Variants in PHKB observed in about 807,000 individuals in gnomAD.
PHKB encodes phosphorylase kinase regulatory subunit beta, also known as phosphorylase b kinase regulatory subunit beta.
PHKB carries 122 observed loss-of-function variants against 152.1 expected under a neutral mutation model. The observed-to-expected ratio is 0.80, with a 90% CI of 0.69 to 0.93. The LOEUF (loss-of-function observed/expected upper bound fraction) is 0.93. Among genes scored for constraint, PHKB ranks in the 40% least tolerant of loss-of-function variants. The probability of loss-of-function intolerance (pLI) is 0.00; values close to 1 mark genes in which losing one functional copy is unlikely to be tolerated. For missense variants in PHKB, 1,304 were observed against 1,328.4 expected (o/e 0.98, Z 0.29); for synonymous variants, 436 against 464.9 (o/e 0.94, Z 0.80).
intron 16 of PHKB, among the ~76,000 whole-genome samples, chr16:47,645,007 A>T (rs975785840): frequency 5.3e-5 from 8 of 152,246 alleles, no homozygotes; most frequent in Non-Finnish European, 1.0e-4. Context: ...AAGGGGCAAT[A>T]CTCTTAATAT....
At chr16:47,562,535 T>A (rs184929556) in intron 7 of PHKB, 1 of 152,396 alleles carries the variant, frequency 6.6e-6, no homozygotes, top group Non-Finnish European at 1.5e-5. Flanking sequence ...TTTGTCATTG[T>A]GGGTGTCCAT....
At chr16:47,632,314 G>A (rs1302621526) in intron 14 of PHKB, among the ~76,000 whole-genome samples, 1 of 152,152 alleles carries the variant, frequency 6.6e-6, no homozygotes, top group Non-Finnish European at 1.5e-5. Flanking sequence ...AGGTTGACTA[G>A]CCTTAATTGA....
rs34717357 is a variant in PHKB, at chr16:47,661,766, C to G, written c.2244C>G (p.Leu748=). 1.4e-3 allele frequency: 2,274 copies of G among 1,613,250 alleles called. 23 individuals are homozygous for G. The African/African-American group carries it at 0.027, about 19-fold the overall frequency. ...ASQAILLGIL[L]KREGPNFITK... is the part of the protein sequence containing the mutation. Reference sequence around the variant, plus strand: ...AAGCCATCCTGCTGGGTATACTGCTCAAAAGAGAAGGCCCCAACTTCATCA... The same window carrying G: ...AAGCCATCCTGCTGGGTATACTGCTGAAAAGAGAAGGCCCCAACTTCATCA... Residue 748 remains leucine (L), a synonymous_variant, in exon 23 of 31, where the codon CTC becomes CTG. Coordinates refer to ENST00000323584, the MANE Select transcript of PHKB (RefSeq NM_000293.3).
rs1381388419 is a variant in PHKB, at chr16:47,686,950, G to A, written c.2631-2091G>A. ...ATTTAAATTTCTCTGGGTTATCCCCGAAATGACTTTTTACAGTTGGTCTGT... is the reference window on the plus strand; with the variant it reads ...ATTTAAATTTCTCTGGGTTATCCCCAAAATGACTTTTTACAGTTGGTCTGT... On this transcript the variant is annotated intron_variant, in intron 26 of 30. Coordinates refer to ENST00000323584, the MANE Select transcript of PHKB (RefSeq NM_000293.3). Among the ~76,000 whole-genome samples the A allele has an allele frequency of 3.9e-5, 6 of 152,058 alleles. No homozygotes were observed. In the South Asian group the frequency reaches 1.0e-3, roughly 26 times the overall value.
intron 7 of PHKB, 37 bp downstream of exon 7, chr16:47,547,585 A>G (rs1365760252): frequency 9.1e-7 from 1 of 1,098,090 alleles, no homozygotes; most frequent in South Asian, 1.3e-5. Context: ...TTTTTAAATT[A>G]AATGTATGGA....
intron 28 of PHKB, 53 bp from the exon 29 acceptor site, chr16:47,696,328 T>G: frequency 1.1e-6 from 1 of 890,788 alleles, no homozygotes; most frequent in South Asian, 1.3e-5. Context: ...TTCTATTAAA[T>G]GAGAACCAGA....
rs144484726 is a variant in PHKB, at chr16:47,699,204, C to G, written c.3145-25C>G. 859 of 1,612,228 alleles carry G rather than the reference C, an allele frequency of 5.3e-4. 1 individual carries two copies. The highest frequency in any genetic ancestry group is 7.1e-4 in the Non-Finnish European group (837 of 1,178,332). ...CTCTTTACAAACAGAAGATCGAATGCCTTGCCTACTGTTTTCCTTTGTAGG... is the reference window on the plus strand; with the variant it reads ...CTCTTTACAAACAGAAGATCGAATGGCTTGCCTACTGTTTTCCTTTGTAGG... On this transcript the variant is annotated intron_variant, in intron 30 of 30. Transcript: ENST00000323584.
At chr16:47,567,763 T>C (rs1307716169) in intron 7 of PHKB, among the ~76,000 whole-genome samples, 1 of 152,262 alleles carries the variant, frequency 6.6e-6, no homozygotes, top group Non-Finnish European at 1.5e-5. Flanking sequence ...TGCTGGATTT[T>C]ATCGAATGCT....
At chr16:47,676,451 T>A (rs1173735421) in intron 26 of PHKB, 2 of 152,222 alleles carry the variant, frequency 1.3e-5, no homozygotes, top group Admixed American at 1.3e-4. Flanking sequence ...CAGCATTCAC[T>A]AGACTGAATG....
At chr16:47,657,451 G>T (rs1046902261) in intron 20 of PHKB, among the ~76,000 whole-genome samples, 2 of 152,156 alleles carry the variant, frequency 1.3e-5, no homozygotes, top group Non-Finnish European at 2.9e-5. Flanking sequence ...TGGTCTGTTG[G>T]AAAGGACCCG....
chr16:47,625,446 T>G (rs1421504567), intron 14 of PHKB, among the ~76,000 whole-genome samples: 4 of 152,172 alleles, frequency 2.6e-5, no homozygotes, highest in African/African-American at 9.7e-5. Context: ...TCCACCCTTA[T>G]CTCTTGTCAC....
intron 26 of PHKB, among the ~76,000 whole-genome samples, chr16:47,683,076 G>T (rs1251565321): frequency 6.6e-6 from 1 of 152,210 alleles, no homozygotes; most frequent in Non-Finnish European, 1.5e-5. Flanking sequence ...CTGTAGAACA[G>T]CGGATCTTGG....
chr16:47,528,483 T>C (rs1970803469), intron 6 of PHKB, among the ~76,000 whole-genome samples: 1 of 152,174 alleles, frequency 6.6e-6, no homozygotes, highest in South Asian at 2.1e-4. Flanking sequence ...ATAAATTTTA[T>C]GAGATTGGTA....
intron 7 of PHKB, chr16:47,565,245 C>T (rs1869557995): frequency 1.4e-6 from 1 of 690,746 alleles, no homozygotes; most frequent in African/African-American, 1.8e-5. Context: ...CTATCTGACT[C>T]CGTTCAGTGG....
At chr16:47,610,376 G>A (rs1972405561) in intron 13 of PHKB, among the ~76,000 whole-genome samples, 1 of 151,682 alleles carries the variant, frequency 6.6e-6, no homozygotes, top group African/African-American at 2.4e-5. Flanking sequence ...GTTTAATATA[G>A]GAATTTATAG....
At position 47,520,768 on chromosome 16, in the gene PHKB, A is replaced by T. The variant is rs185348460; in HGVS notation, c.594+5167A>T. On this transcript the variant is annotated intron_variant, in intron 6 of 30. Coordinates refer to ENST00000323584, the MANE Select transcript of PHKB (RefSeq NM_000293.3). ...ATGAAAAAAGAATTTAGTCTGTAAC[A>T]TCATGCAGTCCATATTATTGTGGGG... Among the ~76,000 whole-genome samples, 3 of 152,134 alleles carry T rather than the reference A, an allele frequency of 2.0e-5. No individual in the cohort carries two copies. In the East Asian group the frequency reaches 5.8e-4, roughly 29 times the overall value.
chr16:47,520,230 AAGAT>A (rs565100291), intron 6 of PHKB, among the ~76,000 whole-genome samples: 22 of 152,238 alleles, frequency 1.4e-4, no homozygotes, highest in Non-Finnish European at 2.2e-4. Context: ...TAAAAATAGA[AAGAT>A]AACACTGTCC....
intron 25 of PHKB, chr16:47,666,179 C>T (rs1187176757): frequency 2.8e-6 from 2 of 704,062 alleles, no homozygotes; most frequent in South Asian, 1.6e-5. Context: ...ATCAAAGTCT[C>T]CTTCCCCAAG....
chr16:47,696,628 A>G, intron 29 of PHKB, 140 bp downstream of exon 29: 2 of 695,344 alleles, frequency 2.9e-6, no homozygotes, highest in East Asian at 2.7e-5. Context: ...CCAGAACCCT[A>G]TTCTTTCCGG....
Sources: allele counts gnomAD v4.1 joint callset (sites outside exome capture counted in the v4.1 genomes callset), GRCh38; gene constraint gnomAD v4.1.1; transcripts MANE v1.5; gene names NCBI Gene and HGNC (gene_info 2026-07-23, HGNC 2026-07-21).